NCKAP5: variants seen among roughly 807,000 people sequenced by gnomAD.
NCKAP5 encodes NCK associated protein 5.
Under a neutral mutation model 167.0 loss-of-function variants are expected in NCKAP5, and 92 were observed. The ratio of observed to expected loss-of-function variants is 0.55; its 90% CI spans 0.47 to 0.66. NCKAP5 has a LOEUF of 0.66. NCKAP5 is among the 30% of genes least tolerant of loss of function. NCKAP5 has a pLI of 0.00. For synonymous variants in NCKAP5, 891 were observed against 877.4 expected (o/e 1.02, Z -0.27); for missense variants, 2,378 against 2,315.0 (o/e 1.03, Z -0.56).
chr2:133,144,883 C>T (rs1222571834), intron 5 of NCKAP5, among the ~76,000 whole-genome samples: 1 of 152,068 alleles, frequency 6.6e-6, no homozygotes, highest in African/African-American at 2.4e-5. Flanking sequence ...AGAGATTATA[C>T]AAGTCACTTT....
At chr2:133,233,960 A>G (rs2087273808) in intron 4 of NCKAP5, among the ~76,000 whole-genome samples, 1 of 152,222 alleles carries the variant, frequency 6.6e-6, no homozygotes, top group South Asian at 2.1e-4. Flanking sequence ...CAAACCAACA[A>G]TGACTCAAAT....
At chr2:133,164,171 T>C (rs1426634048) in intron 5 of NCKAP5, among the ~76,000 whole-genome samples, 2 of 152,202 alleles carry the variant, frequency 1.3e-5, no homozygotes, top group African/African-American at 2.4e-5. Flanking sequence ...TTTTTCATAA[T>C]ATATAAATTG....
At chr2:132,904,876 T>C (rs376865255) in intron 8 of NCKAP5, among the ~76,000 whole-genome samples, 2 of 152,220 alleles carry the variant, frequency 1.3e-5, no homozygotes, top group East Asian at 1.9e-4. Context: ...ATAATGAGGA[T>C]AGAAAAAATC....
chr2:133,496,230 C>A (rs1409258083), intron 3 of NCKAP5, among the ~76,000 whole-genome samples: 1 of 152,176 alleles, frequency 6.6e-6, no homozygotes, highest in African/African-American at 2.4e-5. Flanking sequence ...AAACTGTTAA[C>A]CCTGTAGGTG....
At chr2:132,693,777 C>T (rs1381072297) in intron 19 of NCKAP5, among the ~76,000 whole-genome samples, 1 of 151,934 alleles carries the variant, frequency 6.6e-6, no homozygotes, top group African/African-American at 2.4e-5. Context: ...AGGTGCCTGC[C>T]ACCATGCCCG....
chr2:132,736,217 A>G (rs1691490355), intron 16 of NCKAP5, among the ~76,000 whole-genome samples: 1 of 152,364 alleles, frequency 6.6e-6, no homozygotes, highest in South Asian at 2.1e-4. Context: ...TGTCTTCAGA[A>G]TACATAAACC....
At chr2:132,864,260 A>C (rs1665728749) in intron 10 of NCKAP5, among the ~76,000 whole-genome samples, 1 of 152,158 alleles carries the variant, frequency 6.6e-6, no homozygotes, top group South Asian at 2.1e-4. Context: ...CTGAAAATAT[A>C]AGATTGTGTC....
intron 19 of NCKAP5, among the ~76,000 whole-genome samples, chr2:132,694,440 G>A (rs992649622): frequency 8.6e-5 from 13 of 150,876 alleles, no homozygotes; most frequent in Non-Finnish European, 1.8e-4. Flanking sequence ...ATTGTAATTG[G>A]CATTTTCTTG....
the NCKAP5 span, among the ~76,000 whole-genome samples, chr2:133,610,501 A>C: frequency 3.3e-5 from 5 of 152,182 alleles, no homozygotes; most frequent in African/African-American, 1.2e-4. Context: ...ATGTCATGGA[A>C]CATAACAATT....
intron 5 of NCKAP5, among the ~76,000 whole-genome samples, chr2:133,187,645 T>C (rs1188140018): frequency 2.6e-5 from 4 of 152,032 alleles, no homozygotes; most frequent in African/African-American, 9.7e-5. Context: ...AGAAAGAACA[T>C]ACTTATGGAT....
At chr2:133,350,123 C>A (rs996358675) in intron 3 of NCKAP5, among the ~76,000 whole-genome samples, 1 of 152,040 alleles carries the variant, frequency 6.6e-6, no homozygotes, top group Non-Finnish European at 1.5e-5. Flanking sequence ...GTGGTTCATG[C>A]AAACCTGGCT....
chr2:132,860,795 AAAG>A (rs1427367354), intron 10 of NCKAP5, among the ~76,000 whole-genome samples, 184 bp from the exon 11 acceptor site: 1 of 152,228 alleles, frequency 6.6e-6, no homozygotes, highest in Non-Finnish European at 1.5e-5. Flanking sequence ...TATTATGTGC[AAAG>A]AAGACCAATT....
At chr2:132,712,438 T>G (rs1394842520) in intron 19 of NCKAP5, among the ~76,000 whole-genome samples, 3 of 152,016 alleles carry the variant, frequency 2.0e-5, no homozygotes, top group Non-Finnish European at 2.9e-5. Context: ...GATCATGAGG[T>G]CAGGAGATTG....
chr2:133,136,552 T>C (rs1456331437), intron 5 of NCKAP5, among the ~76,000 whole-genome samples: 1 of 152,178 alleles, frequency 6.6e-6, no homozygotes, highest in Non-Finnish European at 1.5e-5. Flanking sequence ...ACATGATAAT[T>C]GAGAAGTAAT....
intron 4 of NCKAP5, among the ~76,000 whole-genome samples, chr2:133,283,618 T>C (rs1056877269): frequency 3.3e-5 from 5 of 151,922 alleles, no homozygotes; most frequent in Admixed American, 2.0e-4. Flanking sequence ...AAGGATTTTT[T>C]TTTTTTTTTT....
chr2:133,253,552 C>T (rs182485829), intron 4 of NCKAP5, among the ~76,000 whole-genome samples: 163 of 152,254 alleles, frequency 1.1e-3, no homozygotes, highest in African/African-American at 3.8e-3. Context: ...GACTCCCTCA[C>T]CCCCCGTTTC....
At chr2:133,157,953 C>T (rs905304124) in intron 5 of NCKAP5, among the ~76,000 whole-genome samples, 66 of 152,166 alleles carry the variant, frequency 4.3e-4, no homozygotes, top group African/African-American at 1.6e-3. Flanking sequence ...TAATTCTCTA[C>T]CTCATGAAAC....
At chr2:133,077,284 T>A (rs1242473052) in intron 6 of NCKAP5, among the ~76,000 whole-genome samples, 1 of 152,174 alleles carries the variant, frequency 6.6e-6, no homozygotes, top group East Asian at 1.9e-4. Flanking sequence ...TCTTTAGGAT[T>A]CCAAGATAAT....
At chr2:132,749,051 G>A (rs1679887456) in intron 16 of NCKAP5, among the ~76,000 whole-genome samples, 1 of 152,036 alleles carries the variant, frequency 6.6e-6, no homozygotes, top group Non-Finnish European at 1.5e-5. Flanking sequence ...TTACAGGCAT[G>A]AGCCATCATG....
Sources: allele counts gnomAD v4.1 joint callset (sites outside exome capture counted in the v4.1 genomes callset), GRCh38; gene constraint gnomAD v4.1.1; transcripts MANE v1.5; gene names NCBI Gene and HGNC (gene_info 2026-07-23, HGNC 2026-07-21).